The following PARD3B variants were observed in gnomAD, a reference collection of about 807,000 sequenced individuals.
PARD3B encodes the protein partitioning defective 3 homolog B.
PARD3B carries 103 observed loss-of-function variants against 130.2 expected under a neutral mutation model. That is an observed-to-expected ratio of 0.79 (90% confidence interval 0.67 to 0.93). The LOEUF is 0.93. Among genes scored for constraint, PARD3B ranks in the 40% least tolerant of loss-of-function variants. The pLI is 0.00. For missense variants in PARD3B, 1,609 were observed against 1,499.2 expected (o/e 1.07, Z -1.21); for synonymous variants, 583 against 553.2 (o/e 1.05, Z -0.76).
chr2:204,686,319 C>A, intron 2 of PARD3B, 37 bp downstream of exon 2: 1 of 1,403,966 alleles, frequency 7.1e-7, no homozygotes, highest in Non-Finnish European at 1.0e-6. Context: ...TTGTTTTCCT[C>A]TACAGAGCTG....
At chr2:205,153,672 A>C (rs1274424784) in intron 10 of PARD3B, among the ~76,000 whole-genome samples, 1 of 152,216 alleles carries the variant, frequency 6.6e-6, no homozygotes, top group Non-Finnish European at 1.5e-5. Flanking sequence ...TAACCAAAAC[A>C]GCATGGTACT....
chr2:204,915,267 C>G (rs2047400315), intron 2 of PARD3B, among the ~76,000 whole-genome samples: 1 of 152,054 alleles, frequency 6.6e-6, no homozygotes. Flanking sequence ...TGTCAAAGGG[C>G]CTGCGCTATA....
At chr2:204,819,999 C>A (rs934827906) in intron 2 of PARD3B, among the ~76,000 whole-genome samples, 1 of 150,570 alleles carries the variant, frequency 6.6e-6, no homozygotes, top group Admixed American at 6.6e-5. Flanking sequence ...AGTACTGTTG[C>A]AGAAGCTGCA....
intron 19 of PARD3B, among the ~76,000 whole-genome samples, chr2:205,419,242 G>A (rs1226407568): frequency 2.6e-5 from 4 of 152,022 alleles, no homozygotes; most frequent in Non-Finnish European, 5.9e-5. Flanking sequence ...AAGATCTGAT[G>A]GTTTTATAAA....
intron 2 of PARD3B, among the ~76,000 whole-genome samples, chr2:204,701,038 G>T (rs2037866745): frequency 6.6e-6 from 1 of 151,924 alleles, no homozygotes; most frequent in South Asian, 2.1e-4. Flanking sequence ...ATGTATTGAA[G>T]CATAAATATT....
chr2:204,948,891 CT>C (rs897324521), intron 2 of PARD3B, among the ~76,000 whole-genome samples: 2 of 151,940 alleles, frequency 1.3e-5, no homozygotes, highest in African/African-American at 4.8e-5. Flanking sequence ...CTTCCCAAGT[CT>C]TTTTTTTCCT....
chr2:205,059,215 A>C (rs773226999), intron 4 of PARD3B, among the ~76,000 whole-genome samples: 15 of 151,984 alleles, frequency 9.9e-5, no homozygotes, highest in Non-Finnish European at 2.2e-4. Flanking sequence ...TGGTCTTGGC[A>C]CCACTGTTGA....
Position 205,176,445 on chromosome 2 carries a change from G to T in PARD3B, c.1792G>T (p.Asp598Tyr). 6.3e-7 allele frequency: 1 copy of T among 1,597,296 alleles called. No homozygotes were observed. Among genetic ancestry groups the T allele is most frequent in the Non-Finnish European group, 8.5e-7 (1 of 1,175,068 alleles). The change falls in exon 13 of 23, where the codon GAT (aspartate) becomes TAT (tyrosine). Residue 598 changes from aspartate to tyrosine, a missense_variant and splice_region_variant. Physicochemically the swap from Asp to Tyr is radical, Grantham distance 160. Transcript: ENST00000406610. This position sits in a 1 kb window ranked among gnomAD's most constrained non-coding sequence, Gnocchi z 5.3. The stretch of plus-strand genomic sequence containing the variant: ...TGTAATTTTTACTTTTATCTCTTAG[G>T]ATCCTGCAGAGTGTGGGGCATTTTC... ...ILRRPERPME[D>Y]PAECGAFSKP... is the part of the protein sequence containing the mutation.
chr2:205,445,217 C>T (rs531145882), intron 20 of PARD3B, among the ~76,000 whole-genome samples: 27 of 152,306 alleles, frequency 1.8e-4, no homozygotes, highest in African/African-American at 6.0e-4. Context: ...TATCCTAGAT[C>T]TCTGTGTTCT....
intron 1 of PARD3B, among the ~76,000 whole-genome samples, chr2:204,601,415 A>G (rs941053845): frequency 4.6e-5 from 7 of 152,118 alleles, no homozygotes; most frequent in Non-Finnish European, 1.0e-4. Context: ...TGATTGCTAT[A>G]TTGTTTTTTA....
At chr2:205,008,090 A>G (rs1007806089) in intron 3 of PARD3B, among the ~76,000 whole-genome samples, 4 of 152,156 alleles carry the variant, frequency 2.6e-5, no homozygotes, top group African/African-American at 7.2e-5. Context: ...AGTGGAAGAA[A>G]GAGTGGTGCC....
intron 20 of PARD3B, among the ~76,000 whole-genome samples, chr2:205,450,554 A>G (rs1312752639): frequency 2.1e-5 from 3 of 144,438 alleles, no homozygotes; most frequent in Admixed American, 7.2e-5. Context: ...GCTCACTGCA[A>G]CCTCCGCCTC....
intron 10 of PARD3B, among the ~76,000 whole-genome samples, chr2:205,157,347 A>G (rs888989050): frequency 6.6e-6 from 1 of 152,210 alleles, no homozygotes; most frequent in African/African-American, 2.4e-5. Flanking sequence ...AGTTAGCTGA[A>G]AGAGCTAACT....
chr2:205,401,201 G>A, intron 19 of PARD3B, 78 bp downstream of exon 19: 1 of 1,172,474 alleles, frequency 8.5e-7, no homozygotes, highest in Non-Finnish European at 1.2e-6. Flanking sequence ...ACAGTCAACT[G>A]GAGAAATTTC....
rs2053178001 is a variant in PARD3B at position 205,562,640 on chromosome 2, G to A, written c.3260+9237G>A. 6.6e-6 allele frequency among the ~76,000 whole-genome samples: 1 copy of A among 152,158 alleles called. No homozygotes were observed. The highest frequency in any genetic ancestry group is 1.5e-5 in the Non-Finnish European group (1 of 68,032). ...ACTTCTCCAGCCAAAAGAAAAGAAG[G>A]TTGTTTTGTGCCTAGGCATCTGCTT... On this transcript the variant is annotated intron_variant, in intron 22 of 22. Coordinates refer to ENST00000406610, the MANE Select transcript of PARD3B (RefSeq NM_001302769.2). The surrounding 1 kb of genome is among the most constrained non-coding windows in gnomAD (Gnocchi z 5.4).
At chr2:205,531,924 T>G (rs2051614268) in intron 21 of PARD3B, among the ~76,000 whole-genome samples, 1 of 152,058 alleles carries the variant, frequency 6.6e-6, no homozygotes, top group Non-Finnish European at 1.5e-5. Flanking sequence ...GGTTGATTAT[T>G]TATTATCTTT....
At chr2:204,932,947 T>G (rs1250920779) in intron 2 of PARD3B, among the ~76,000 whole-genome samples, 1 of 152,136 alleles carries the variant, frequency 6.6e-6, no homozygotes, top group Non-Finnish European at 1.5e-5. Flanking sequence ...GAAGAATTAA[T>G]TGTAGAGGGT....
At chr2:204,754,547 A>G (rs1269907455) in intron 2 of PARD3B, among the ~76,000 whole-genome samples, 8 of 152,144 alleles carry the variant, frequency 5.3e-5, no homozygotes, top group Non-Finnish European at 4.4e-5. Flanking sequence ...TAAATGTAAA[A>G]CATTTAGAAT....
intron 1 of PARD3B, among the ~76,000 whole-genome samples, chr2:204,570,168 A>G (rs1012055477): frequency 6.6e-6 from 1 of 152,196 alleles, no homozygotes; most frequent in Non-Finnish European, 1.5e-5. Context: ...CACAAAATGT[A>G]CAGTAAAGTA....
Sources: gnomAD v4.1 joint callset for allele counts (sites outside exome capture counted in the v4.1 genomes callset) on GRCh38, gnomAD v4.1.1 for gene constraint, Gnocchi (gnomAD v3.1) non-coding constraint, MANE v1.5 for transcripts, NCBI Gene and HGNC (gene_info 2026-07-23, HGNC 2026-07-21) for gene names.